Variants in CPLX4 observed in about 807,000 individuals in gnomAD.
CPLX4 encodes the protein complexin 4, also known as complexin-4.
A neutral mutation model predicts 16.1 loss-of-function variants in CPLX4; 17 were observed. The observed-to-expected ratio is 1.06, with a 90% confidence interval of 0.72 to 1.59. The LOEUF is 1.59. CPLX4 is among the 40% of genes most tolerant of loss of function. The pLI, the probability that CPLX4 is intolerant of heterozygous loss-of-function variation, is 0.00. For missense variants in CPLX4, 193 were observed against 192.9 expected, an observed-to-expected ratio of 1.00 and a Z score of 0.00; for synonymous variants, 55 against 57.8, an observed-to-expected ratio of 0.95 and a Z score of 0.22.
chr18:59,300,637 C>G (rs1194675745), intron 2 of CPLX4, among the ~76,000 whole-genome samples: 1 of 152,126 alleles, frequency 6.6e-6, no homozygotes, highest in Admixed American at 6.5e-5. Flanking sequence ...CATTATTTGC[C>G]TTAGAGCTGT....
intron 1 of CPLX4, among the ~76,000 whole-genome samples, chr18:59,313,540 C>A (rs1023852690): frequency 2.6e-5 from 4 of 152,220 alleles, no homozygotes; most frequent in African/African-American, 9.6e-5. Context: ...GCACCACCAC[C>A]CGTCCCTGCT....
In CPLX4 at chr18:59,308,927, C is replaced by T. The variant is rs117625572; in HGVS notation, c.255+3758G>A. ...GTGACAGCGCGGGAGGCAGAGGAGGCGCCCAAGGGTGGGGCTGGTTTGCAA... is the reference window on the plus strand; with the variant it reads ...GTGACAGCGCGGGAGGCAGAGGAGGTGCCCAAGGGTGGGGCTGGTTTGCAA... On this transcript the variant is annotated intron_variant, in intron 2 of 2. Transcript: ENST00000299721. 2.6e-3 allele frequency among the ~76,000 whole-genome samples: 389 copies of T among 152,308 alleles called. 3 individuals are homozygous for T. The East Asian group carries it at 0.037, about 15-fold the overall frequency.
chr18:59,318,629 G>A lies in CPLX4; in HGVS notation c.-167C>T. The stretch of plus-strand genomic sequence containing the variant: ...TTCAAGGGCATACTGATAGAGAAGA[G>A]TGGTTTGTCGGCCGTAAGCTGGATT... On this transcript the variant is annotated 5_prime_UTR_variant, in exon 1 of 3. Coordinates refer to ENST00000299721, the MANE Select transcript of CPLX4 (RefSeq NM_181654.4). 1.6e-6 allele frequency: 2 copies of A among 1,283,462 alleles called. No individual in the cohort carries two copies. Among genetic ancestry groups the A allele is most frequent in the Non-Finnish European group, 1.0e-6 (1 of 975,152 alleles). 79.5% of individuals were successfully genotyped at this position (1,283,462 alleles called of 1,614,324 possible).
At chr18:59,315,096 C>T (rs1353529112) in intron 1 of CPLX4, among the ~76,000 whole-genome samples, 1 of 152,158 alleles carries the variant, frequency 6.6e-6, no homozygotes, top group Non-Finnish European at 1.5e-5. Flanking sequence ...AGAAACAGCA[C>T]GACCTTTCTC....
chr18:59,298,145 A>G (rs62094025), intron 2 of CPLX4, among the ~76,000 whole-genome samples: 37,874 of 150,738 alleles, frequency 0.25, 5,022 homozygotes, highest in South Asian at 0.34. Context: ...GCTGGAGTGC[A>G]GTGGTGCAAT....
At chr18:59,304,953 G>A (rs1038931193) in intron 2 of CPLX4, among the ~76,000 whole-genome samples, 1 of 139,046 alleles carries the variant, frequency 7.2e-6, no homozygotes, top group East Asian at 2.3e-4. Flanking sequence ...GTGTGTGTGT[G>A]TGTGTGTGTG....
chr18:59,309,822 CAAAAAA>C (rs369580193), intron 2 of CPLX4, among the ~76,000 whole-genome samples: 2 of 87,022 alleles, frequency 2.3e-5, no homozygotes, highest in East Asian at 3.4e-4. Context: ...GACTCTGTGT[CAAAAAA>C]AAAAAAAAAA....
intron 2 of CPLX4, among the ~76,000 whole-genome samples, chr18:59,300,269 G>T (rs2070531297): frequency 6.6e-6 from 1 of 152,162 alleles, no homozygotes; most frequent in South Asian, 2.1e-4. Flanking sequence ...GGAGGCAGAG[G>T]TTGCCATAAG....
chr18:59,318,154 C>G (rs1379737483), intron 1 of CPLX4, 142 bp downstream of exon 1: 1 of 1,376,080 alleles, frequency 7.3e-7, no homozygotes, highest in African/African-American at 1.4e-5. Flanking sequence ...TTTAGAAGAA[C>G]AACCTTTCCT....
intron 2 of CPLX4, among the ~76,000 whole-genome samples, chr18:59,311,067 C>T (rs595939): frequency 0.69 from 104,584 of 151,562 alleles, 37,063 homozygotes; most frequent in African/African-American, 0.87. Flanking sequence ...GGGGCTTCAG[C>T]GCAGTAGCAT....
intron 2 of CPLX4, among the ~76,000 whole-genome samples, chr18:59,302,901 T>C (rs1241023256): frequency 1.3e-5 from 2 of 152,244 alleles, no homozygotes; most frequent in African/African-American, 2.4e-5. Context: ...AATACCAGTG[T>C]GATTGATATT....
At chr18:59,313,665 A>T (rs1377299010) in intron 1 of CPLX4, among the ~76,000 whole-genome samples, 1 of 152,208 alleles carries the variant, frequency 6.6e-6, no homozygotes, top group Non-Finnish European at 1.5e-5. Context: ...TGGGAATGGT[A>T]CTAAGAATGA....
At chr18:59,300,477 C>G (rs930189621) in intron 2 of CPLX4, among the ~76,000 whole-genome samples, 1 of 152,168 alleles carries the variant, frequency 6.6e-6, no homozygotes, top group Admixed American at 6.5e-5. Context: ...TCGTAGCTAT[C>G]GGTTTATCTT....
chr18:59,312,657 A>C, intron 2 of CPLX4, 28 bp downstream of exon 2: 1 of 903,106 alleles, frequency 1.1e-6, no homozygotes. Context: ...TAATTAAGAA[A>C]TGATTAGATG....
chr18:59,302,489 T>C (rs1168307043), intron 2 of CPLX4, among the ~76,000 whole-genome samples: 1 of 152,266 alleles, frequency 6.6e-6, no homozygotes, highest in Non-Finnish European at 1.5e-5. Context: ...TCTTAGAGGC[T>C]CTGTTTCAGA....
At chr18:59,307,458 G>C (rs545970325) in intron 2 of CPLX4, among the ~76,000 whole-genome samples, 2 of 152,272 alleles carry the variant, frequency 1.3e-5, no homozygotes, top group South Asian at 2.1e-4. Context: ...GCCCCAAAGA[G>C]GGGACTTATA....
intron 2 of CPLX4, among the ~76,000 whole-genome samples, chr18:59,298,778 G>A (rs767365684): frequency 6.6e-6 from 1 of 152,170 alleles, no homozygotes; most frequent in Non-Finnish European, 1.5e-5. Context: ...GGACGAGATG[G>A]CTGAAGTCTT....
intron 2 of CPLX4, among the ~76,000 whole-genome samples, chr18:59,307,330 T>C (rs563298763): frequency 1.3e-5 from 2 of 152,296 alleles, no homozygotes; most frequent in South Asian, 4.1e-4. Flanking sequence ...CAGACACTGG[T>C]GTCGAGGAGC....
chr18:59,297,203 G>A (rs1406770761), intron 2 of CPLX4, among the ~76,000 whole-genome samples: 1 of 151,984 alleles, frequency 6.6e-6, no homozygotes, highest in Non-Finnish European at 1.5e-5. Flanking sequence ...AGAGCCTGCT[G>A]GAACTACAAA....
Sources: allele counts gnomAD v4.1 joint callset (sites outside exome capture counted in the v4.1 genomes callset), GRCh38; gene constraint gnomAD v4.1.1; transcripts MANE v1.5; gene names NCBI Gene and HGNC (gene_info 2026-07-23, HGNC 2026-07-21).